Variants in DLGAP1 observed in about 807,000 individuals in gnomAD.
The protein encoded by DLGAP1 is disks large-associated protein 1.
In DLGAP1, 11 loss-of-function variants were observed where a neutral mutation model predicts 90.8. That is an observed-to-expected ratio of 0.12 (90% CI 0.08 to 0.20). The LOEUF is 0.20. Ranked by LOEUF, DLGAP1 falls within the 10% of genes least tolerant of loss-of-function variation. The probability of loss-of-function intolerance (pLI) is 1.00; values close to 1 mark genes in which losing one functional copy is unlikely to be tolerated. For synonymous variants in DLGAP1, 558 were observed against 540.7 expected (o/e 1.03, Z -0.44); for missense variants, 1,050 against 1,333.8 (o/e 0.79, Z 3.31).
chr18:4,196,803 A>G (rs2077506031), intron 1 of DLGAP1, among the ~76,000 whole-genome samples: 1 of 152,228 alleles, frequency 6.6e-6, no homozygotes, highest in African/African-American at 2.4e-5. Context: ...ATATGTACAC[A>G]TTTTTGTGAC....
chr18:3,506,810 G>GCAAC lies in DLGAP1; in HGVS notation c.2571+1759_2571+1760insGTTG, dbSNP rs761559910. 2.0e-3 allele frequency among the ~76,000 whole-genome samples: 303 copies of GCAAC among 152,242 alleles called. 5 individuals carry two copies. The highest frequency in any genetic ancestry group is 1.4e-3 in the East Asian group (7 of 5,184). On this transcript the variant is annotated intron_variant, in intron 11 of 12. Coordinates refer to ENST00000315677, the MANE Select transcript of DLGAP1 (RefSeq NM_004746.4). ...AAGCACAGAGAATCATGTTAATTGA[G>GCAAC]ATCTGTGACACATTAGCAAGTTTGC...
At chr18:3,521,168 A>C (rs188327957) in intron 10 of DLGAP1, among the ~76,000 whole-genome samples, 10 of 152,214 alleles carry the variant, frequency 6.6e-5, no homozygotes, top group African/African-American at 2.4e-4. Context: ...TGTCTCCCCA[A>C]ATCTGTGTTC....
chr18:3,751,626 T>C (rs928205729), intron 5 of DLGAP1, among the ~76,000 whole-genome samples: 1 of 151,518 alleles, frequency 6.6e-6, no homozygotes, highest in East Asian at 1.9e-4. Context: ...TGGCACGATC[T>C]TGTGTCACTG....
rs549913352 is a variant in DLGAP1, at chr18:3,883,009, C to T, written c.-72-2869G>A. Among the ~76,000 whole-genome samples the T allele has an allele frequency of 1.6e-3, 239 of 152,224 alleles. 2 individuals carry two copies. The highest frequency in any genetic ancestry group is 5.5e-3 in the African/African-American group (228 of 41,532). Reference sequence around the variant, plus strand: ...CTGTAATCCTAGCACTTTGGGGGGCCGAGGCAGGCGAATCACCTGAAGTCA... The same window carrying T: ...CTGTAATCCTAGCACTTTGGGGGGCTGAGGCAGGCGAATCACCTGAAGTCA... On this transcript the variant is annotated intron_variant, in intron 3 of 12. Transcript: ENST00000315677.
Position 3,814,242 on chromosome 18 carries a change from G to C in DLGAP1, c.989C>G (p.Pro330Arg). Reference sequence around the variant, plus strand: ...TGGAATTTCATCATCTTTACCTCGTGGGGTGTACCCTGTCCATTCATCTTG... The same window carrying C: ...TGGAATTTCATCATCTTTACCTCGTCGGGTGTACCCTGTCCATTCATCTTG... ...VPQDEWTGYTPRGKDDEIPCR... is the reference protein window; with the variant it reads ...VPQDEWTGYTRRGKDDEIPCR... The change falls in exon 5 of 13, where the codon CCA (proline) becomes CGA (arginine). Residue 330 changes from proline (P) to arginine (R), a missense_variant. Physicochemically the swap from Pro to Arg is moderately radical, Grantham distance 103. This residue lies in a region of DLGAP1 where 565 missense variants were observed against 879.7 expected (regional missense o/e 0.64). Coordinates refer to ENST00000315677, the MANE Select transcript of DLGAP1 (RefSeq NM_004746.4). 1 of 1,613,900 alleles carries C rather than the reference G, an allele frequency of 6.2e-7. No individual in the cohort carries two copies. The highest frequency in any genetic ancestry group is 8.5e-7 in the Non-Finnish European group (1 of 1,179,986).
chr18:3,592,907 AAAAAAAAG>A, intron 7 of DLGAP1, among the ~76,000 whole-genome samples: 1 of 145,838 alleles, frequency 6.9e-6, no homozygotes, highest in Admixed American at 6.9e-5. Context: ...AAAGAAAAAG[AAAAAAAAG>A]AAAGAAAAGA....
intron 1 of DLGAP1, among the ~76,000 whole-genome samples, chr18:4,318,786 A>G (rs1159384792): frequency 6.6e-6 from 1 of 152,254 alleles, no homozygotes; most frequent in Non-Finnish European, 1.5e-5. Context: ...TTTTAGATCC[A>G]GGTACTGAAG....
intron 9 of DLGAP1, among the ~76,000 whole-genome samples, chr18:3,538,388 G>C (rs867735380): frequency 1.4e-5 from 2 of 141,866 alleles, no homozygotes; most frequent in African/African-American, 5.7e-5. Flanking sequence ...AAAAAAAAAA[G>C]AAAGAAAAAG....
intron 9 of DLGAP1, among the ~76,000 whole-genome samples, chr18:3,548,230 G>T (rs2053171816): frequency 6.6e-6 from 1 of 151,968 alleles, no homozygotes; most frequent in African/African-American, 2.4e-5. Flanking sequence ...CCTTAAAATG[G>T]TTTAAATGGT....
chr18:4,434,405 C>A (rs939152715), intron 1 of DLGAP1, among the ~76,000 whole-genome samples: 13 of 152,106 alleles, frequency 8.5e-5, no homozygotes, highest in African/African-American at 3.1e-4. Flanking sequence ...AGGTTCTGCA[C>A]CTGGTTTTCT....
chr18:4,169,755 C>T (rs545578183), intron 1 of DLGAP1, among the ~76,000 whole-genome samples: 53 of 152,276 alleles, frequency 3.5e-4, no homozygotes, highest in African/African-American at 1.1e-3. Context: ...GGCAGAGCAC[C>T]GAGTCTAGTT....
At chr18:3,628,303 T>C (rs1259725264) in intron 7 of DLGAP1, among the ~76,000 whole-genome samples, 5 of 151,536 alleles carry the variant, frequency 3.3e-5, no homozygotes, top group African/African-American at 7.3e-5. Flanking sequence ...GATTCTCCTA[T>C]TTCAGCCTCC....
At chr18:4,289,517 T>C (rs974039938) in intron 1 of DLGAP1, among the ~76,000 whole-genome samples, 1 of 152,188 alleles carries the variant, frequency 6.6e-6, no homozygotes, top group African/African-American at 2.4e-5. Flanking sequence ...CCAACATCCA[T>C]GTGAATACCC....
intron 1 of DLGAP1, among the ~76,000 whole-genome samples, chr18:4,214,013 G>A (rs2077900014): frequency 6.6e-6 from 1 of 152,216 alleles, no homozygotes; most frequent in African/African-American, 2.4e-5. Flanking sequence ...ACACCAGAGT[G>A]CCCTAGATTG....
chr18:4,371,725 G>A (rs1054243107), intron 1 of DLGAP1, among the ~76,000 whole-genome samples: 1 of 146,008 alleles, frequency 6.8e-6, no homozygotes, highest in Admixed American at 7.2e-5. Context: ...TTGTATTTGG[G>A]ATTAGTGTGA....
intron 5 of DLGAP1, among the ~76,000 whole-genome samples, chr18:3,763,724 C>T (rs1431499261): frequency 4.0e-5 from 6 of 150,800 alleles, no homozygotes; most frequent in African/African-American, 1.2e-4. Context: ...AGTGCAATGG[C>T]GTGATCTCGT....
At chr18:3,739,035 T>C (rs1208920756) in intron 6 of DLGAP1, among the ~76,000 whole-genome samples, 2 of 149,220 alleles carry the variant, frequency 1.3e-5, no homozygotes, top group Non-Finnish European at 3.0e-5. Context: ...ATGCTCATCA[T>C]CACTGGCCAT....
intron 5 of DLGAP1, among the ~76,000 whole-genome samples, chr18:3,800,410 T>A (rs2066233097): frequency 6.6e-6 from 1 of 152,240 alleles, no homozygotes; most frequent in South Asian, 2.1e-4. Flanking sequence ...GAAGTGGTTG[T>A]ATAAATTATA....
At chr18:3,903,386 C>A (rs370534614) in intron 3 of DLGAP1, among the ~76,000 whole-genome samples, 4 of 152,218 alleles carry the variant, frequency 2.6e-5, no homozygotes, top group African/African-American at 9.6e-5. Flanking sequence ...TTTCAAAAAC[C>A]ATTATTTGTA....
Sources: gnomAD v4.1 joint callset for allele counts (sites outside exome capture counted in the v4.1 genomes callset) on GRCh38, gnomAD v4.1.1 for gene constraint, gnomAD v4.1.1 regional missense constraint, MANE v1.5 for transcripts, NCBI Gene and HGNC (gene_info 2026-07-23, HGNC 2026-07-21) for gene names.